The following GALNTL6 variants were observed in gnomAD, a reference collection of about 807,000 sequenced individuals.
GALNTL6 encodes polypeptide N-acetylgalactosaminyltransferase-like 6.
Under a neutral mutation model 73.7 loss-of-function variants are expected in GALNTL6, and 46 were observed. That is an observed-to-expected ratio of 0.62 (90% CI 0.49 to 0.80). The LOEUF is 0.80. GALNTL6 is among the 30% of genes least tolerant of loss of function. GALNTL6 has a pLI of 0.00. For missense variants in GALNTL6, 604 were observed against 755.0 expected (o/e 0.80, Z 2.34); for synonymous variants, 259 against 263.7 (o/e 0.98, Z 0.17).
chr4:171,850,112 C>T (rs770633639), intron 2 of GALNTL6, among the ~76,000 whole-genome samples: 4 of 152,162 alleles, frequency 2.6e-5, no homozygotes, highest in Admixed American at 6.5e-5. Flanking sequence ...ATTACAGGCG[C>T]GTGCCAACAC....
intron 2 of GALNTL6, among the ~76,000 whole-genome samples, chr4:171,884,981 C>T (rs1476481268): frequency 6.6e-6 from 1 of 151,354 alleles, no homozygotes; most frequent in Admixed American, 6.6e-5. Context: ...TGCTTGAACC[C>T]AGGAGGCGGA....
intron 5 of GALNTL6, among the ~76,000 whole-genome samples, chr4:172,463,842 A>G (rs964282709): frequency 1.3e-5 from 2 of 152,208 alleles, no homozygotes; most frequent in African/African-American, 4.8e-5. Context: ...CTATTGATAA[A>G]TGCCCCCACA....
intron 2 of GALNTL6, among the ~76,000 whole-genome samples, chr4:172,208,736 T>C (rs1447937959): frequency 6.6e-6 from 1 of 152,148 alleles, no homozygotes; most frequent in Admixed American, 6.6e-5. Flanking sequence ...AAAGTTAAGA[T>C]TGCATTTTCC....
intron 5 of GALNTL6, among the ~76,000 whole-genome samples, chr4:172,567,092 G>A (rs887516928): frequency 6.6e-6 from 1 of 151,634 alleles, no homozygotes; most frequent in Non-Finnish European, 1.5e-5. Context: ...TCACTTGGGG[G>A]TGAGGAGAGT....
At chr4:172,310,199 T>A (rs950773058) in intron 3 of GALNTL6, among the ~76,000 whole-genome samples, 2 of 152,070 alleles carry the variant, frequency 1.3e-5, no homozygotes, top group Non-Finnish European at 2.9e-5. Flanking sequence ...TGTTTAAATA[T>A]GCATGAGCAA....
intron 5 of GALNTL6, among the ~76,000 whole-genome samples, chr4:172,351,205 A>ATCTATCTC: frequency 6.6e-6 from 1 of 152,036 alleles, no homozygotes; most frequent in Non-Finnish European, 1.5e-5. Context: ...CTATCTATCT[A>ATCTATCTC]TCTATCTATC....
chr4:173,028,850 T>G (rs938654678), intron 12 of GALNTL6, among the ~76,000 whole-genome samples: 2 of 152,238 alleles, frequency 1.3e-5, no homozygotes, highest in African/African-American at 4.8e-5. Context: ...AATAAAGGAC[T>G]TGCAAATAGC....
chr4:173,010,409 T>A (rs1752493980), intron 11 of GALNTL6, among the ~76,000 whole-genome samples: 1 of 152,200 alleles, frequency 6.6e-6, no homozygotes, highest in Non-Finnish European at 1.5e-5. Flanking sequence ...TATTCATTCA[T>A]CTATTGATGG....
intron 5 of GALNTL6, among the ~76,000 whole-genome samples, chr4:172,726,275 C>T (rs983423873): frequency 2.0e-5 from 3 of 152,150 alleles, no homozygotes; most frequent in African/African-American, 7.2e-5. Flanking sequence ...GGCCAGGTTC[C>T]GAGGCCTAAA....
intron 3 of GALNTL6, among the ~76,000 whole-genome samples, chr4:172,253,550 G>A (rs1459116358): frequency 6.6e-6 from 1 of 151,856 alleles, no homozygotes; most frequent in Non-Finnish European, 1.5e-5. Context: ...TAGTGTGTAA[G>A]CCCTGCTATT....
At chr4:172,341,186 G>C (rs1741545876) in intron 4 of GALNTL6, among the ~76,000 whole-genome samples, 1 of 152,016 alleles carries the variant, frequency 6.6e-6, no homozygotes, top group South Asian at 2.1e-4. Context: ...CAAAAATGTA[G>C]TTGTCCTGTA....
intron 5 of GALNTL6, among the ~76,000 whole-genome samples, chr4:172,552,620 T>G (rs1488106495): frequency 1.3e-5 from 2 of 152,006 alleles, no homozygotes; most frequent in Admixed American, 6.6e-5. Flanking sequence ...GATCAAAACA[T>G]GTCTACCCGC....
chr4:171,814,267 C>A (rs1266758630), intron 1 of GALNTL6, 145 bp from the exon 2 acceptor site: 2 of 314,496 alleles, frequency 6.4e-6, no homozygotes, highest in Non-Finnish European at 1.2e-5. Context: ...GTCAATGAAA[C>A]GACCATATTT....
chr4:172,545,230 T>C (rs1047572239), intron 5 of GALNTL6, among the ~76,000 whole-genome samples: 2 of 152,262 alleles, frequency 1.3e-5, no homozygotes, highest in South Asian at 4.2e-4. Context: ...CCAGAGGTAA[T>C]ATGATATGGC....
At chr4:172,278,127 A>C (rs1049059469) in intron 3 of GALNTL6, among the ~76,000 whole-genome samples, 3 of 152,106 alleles carry the variant, frequency 2.0e-5, no homozygotes, top group Admixed American at 2.0e-4. Context: ...TGCAGATGAG[A>C]ATTTTATCTC....
chr4:172,140,019 G>A (rs940876236), intron 2 of GALNTL6, among the ~76,000 whole-genome samples: 1 of 150,870 alleles, frequency 6.6e-6, no homozygotes, highest in Non-Finnish European at 1.5e-5. Context: ...TTTATTACAT[G>A]CACTTTCCAA....
intron 2 of GALNTL6, among the ~76,000 whole-genome samples, chr4:171,944,108 AT>A (rs1344596223): frequency 6.6e-6 from 1 of 152,092 alleles, no homozygotes; most frequent in Non-Finnish European, 1.5e-5. Flanking sequence ...TAAGAAAAAA[AT>A]AAGTATATCT....
At chr4:172,548,695 G>A (rs1297375744) in intron 5 of GALNTL6, among the ~76,000 whole-genome samples, 3 of 152,104 alleles carry the variant, frequency 2.0e-5, no homozygotes, top group Admixed American at 1.3e-4. Flanking sequence ...CAACACAGTA[G>A]AACAAATGTA....
At position 172,379,707 on chromosome 4, in the gene GALNTL6, G is replaced by A. The variant is rs878973071; in HGVS notation, c.553+31018G>A. Among the ~76,000 whole-genome samples the A allele has an allele frequency of 5.9e-5, 9 of 151,368 alleles. No homozygotes were observed. In the South Asian group the frequency reaches 1.9e-3, roughly 31 times the overall value. ...ATAAATAAAAACACCCACGCCCCTG[G>A]AGCTAACCTGACAACTACCTTCATT... On this transcript the variant is annotated intron_variant, in intron 5 of 12. Transcript: ENST00000506823.
Sources: gnomAD v4.1 joint callset for allele counts (sites outside exome capture counted in the v4.1 genomes callset) on GRCh38, gnomAD v4.1.1 for gene constraint, MANE v1.5 for transcripts, NCBI Gene and HGNC (gene_info 2026-07-23, HGNC 2026-07-21) for gene names.